Variants in CFAP54 observed in about 807,000 individuals in gnomAD.
CFAP54 encodes cilia and flagella associated protein 54.
CFAP54 carries 290 observed loss-of-function variants against 370.4 expected under a neutral mutation model. The observed-to-expected ratio is 0.78, with a 90% CI of 0.71 to 0.86. The LOEUF (loss-of-function observed/expected upper bound fraction) is 0.86. Ranked by LOEUF, CFAP54 falls within the 40% of genes least tolerant of loss-of-function variation. CFAP54 has a pLI of 0.00. For missense variants in CFAP54, 3,399 were observed against 3,528.7 expected (o/e 0.96, Z 0.93); for synonymous variants, 1,206 against 1,236.5 (o/e 0.98, Z 0.52).
chr12:96,846,358 G>A (rs1309266843), intron 66 of CFAP54, among the ~76,000 whole-genome samples: 1 of 152,172 alleles, frequency 6.6e-6, no homozygotes, highest in African/African-American at 2.4e-5. Context: ...TTATTGTAGA[G>A]TTGTTGGTTG....
intron 48 of CFAP54, among the ~76,000 whole-genome samples, chr12:96,710,318 G>T (rs988953967): frequency 9.2e-5 from 14 of 152,182 alleles, no homozygotes; most frequent in African/African-American, 3.4e-4. Flanking sequence ...GAGGCAGAGG[G>T]CAGTGCAGGG....
chr12:96,609,028 T>G (rs918631172), intron 26 of CFAP54, among the ~76,000 whole-genome samples: 3 of 152,078 alleles, frequency 2.0e-5, no homozygotes, highest in Non-Finnish European at 2.9e-5. Context: ...CAAGAAACAG[T>G]CCTAAAACAC....
Position 96,621,684 on chromosome 12 carries a change from T to C in CFAP54, c.3734T>C (p.Phe1245Ser). ...ATCACACCAGGATGCAAGTCTCTGT[T>C]TGATGGTAGTAATGAACAAGAAGAA... ...LDITPGCKSL[F>S]DGSNEQEEMP... The change falls in exon 27 of 68, where the codon TTT becomes TCT. Residue 1245 changes from phenylalanine (F) to serine (S), a missense_variant. Physicochemically the swap from Phe to Ser is radical, Grantham distance 155. Transcript: ENST00000524981. The C allele has an allele frequency of 6.5e-7, 1 of 1,528,520 alleles. No individual in the cohort carries two copies. The highest frequency in any genetic ancestry group is 8.8e-7 in the Non-Finnish European group (1 of 1,142,682). 94.7% of individuals were successfully genotyped at this position (1,528,520 alleles called of 1,614,324 possible).
chr12:96,571,242 A>G (rs1955913863), intron 19 of CFAP54, among the ~76,000 whole-genome samples: 1 of 152,196 alleles, frequency 6.6e-6, no homozygotes. Flanking sequence ...GAAGAGAGGC[A>G]GGTTTCATTT....
rs184182946 is a variant in CFAP54, at chr12:96,515,485, T to C, written c.798+2441T>C. On this transcript the variant is annotated intron_variant, in intron 5 of 67. Transcript: ENST00000524981. ...TCACCAGTAATTCCCAAACCTCCAG[T>C]TGGTAAATTGATTCCTGAGCTGAGG... 1.4e-3 allele frequency among the ~76,000 whole-genome samples: 216 copies of C among 152,308 alleles called. 2 individuals carry two copies. Among genetic ancestry groups the C allele is most frequent in the Non-Finnish European group, 2.0e-3 (136 of 68,026 alleles).
chr12:96,836,965 C>T (rs915393857), intron 66 of CFAP54, among the ~76,000 whole-genome samples: 13 of 152,102 alleles, frequency 8.5e-5, no homozygotes, highest in African/African-American at 3.1e-4. Flanking sequence ...TTAGCTAGGA[C>T]TATAGGCACA....
rs1367077043 is a variant in CFAP54, at chr12:96,538,286, A to G, written c.1792-98A>G. 8.7e-6 allele frequency: 9 copies of G among 1,039,192 alleles called. No individual in the cohort carries two copies. The East Asian group carries it at 2.1e-4, about 24-fold the overall frequency. 64.4% of individuals were successfully genotyped at this position (1,039,192 alleles called of 1,614,324 possible). Reference sequence around the variant, plus strand: ...CATTATGAAGATTCAACATGTTAGTATTTGTAAAGCTCTTAGAGTGTTTCT... The same window carrying G: ...CATTATGAAGATTCAACATGTTAGTGTTTGTAAAGCTCTTAGAGTGTTTCT... On this transcript the variant is annotated intron_variant, in intron 12 of 67. Coordinates refer to ENST00000524981, the MANE Select transcript of CFAP54 (RefSeq NM_001306084.2).
intron 49 of CFAP54, among the ~76,000 whole-genome samples, 158 bp downstream of exon 49, chr12:96,718,680 C>T (rs576106646): frequency 1.3e-5 from 2 of 152,284 alleles, no homozygotes; most frequent in South Asian, 4.1e-4. Flanking sequence ...GTTTACTCCT[C>T]ATGAGAAAAG....
intron 46 of CFAP54, among the ~76,000 whole-genome samples, chr12:96,702,543 A>C (rs1957503210): frequency 9.6e-6 from 1 of 104,568 alleles, no homozygotes; most frequent in African/African-American, 4.1e-5. Flanking sequence ...TTCAATGGTC[A>C]CTGCCTTCAC....
chr12:96,819,000 G>A (rs1205182766), intron 65 of CFAP54, among the ~76,000 whole-genome samples: 2 of 152,130 alleles, frequency 1.3e-5, no homozygotes, highest in Non-Finnish European at 2.9e-5. Flanking sequence ...TGTACTTATT[G>A]TAGCTGTTTA....
intron 47 of CFAP54, among the ~76,000 whole-genome samples, chr12:96,705,276 T>C (rs1014130237): frequency 1.3e-5 from 2 of 152,156 alleles, no homozygotes; most frequent in African/African-American, 4.8e-5. Context: ...TTGAGAGATA[T>C]TTTCTCAAAA....
rs186965133 is a variant in CFAP54 at position 96,863,279 on chromosome 12, C to T, written c.*14+2327C>T. Among the ~76,000 whole-genome samples, 227 of 152,102 alleles carry T rather than the reference C, an allele frequency of 1.5e-3. 1 individual carries two copies. The highest frequency in any genetic ancestry group is 5.1e-3 in the African/African-American group (212 of 41,486). ...ATCACCAACACTCCACCATCATTAC[C>T]GCTAACATTATTGCCTACCCTTTCT... is the stretch of plus-strand genomic sequence containing the variant. On this transcript the variant is annotated intron_variant, in intron 67 of 67. Transcript: ENST00000524981.
chr12:96,761,997 T>A (rs551081020), intron 58 of CFAP54, among the ~76,000 whole-genome samples: 21 of 152,310 alleles, frequency 1.4e-4, no homozygotes, highest in African/African-American at 4.8e-4. Context: ...TATTTTAGGA[T>A]CTGCTTGTCA....
intron 43 of CFAP54, among the ~76,000 whole-genome samples, chr12:96,690,297 A>G (rs1169915514): frequency 6.6e-6 from 1 of 152,234 alleles, no homozygotes; most frequent in East Asian, 1.9e-4. Flanking sequence ...GTATTTTAGA[A>G]TAGGATATCT....
intron 17 of CFAP54, among the ~76,000 whole-genome samples, chr12:96,557,803 A>G (rs1176007900): frequency 6.6e-6 from 1 of 151,966 alleles, no homozygotes; most frequent in Non-Finnish European, 1.5e-5. Flanking sequence ...ATTATATATA[A>G]TAAGTAACGT....
At position 96,663,901 on chromosome 12, in the gene CFAP54, C is replaced by T. The variant is rs1003885173; in HGVS notation, c.5532C>T (p.Cys1844=). 3.1e-6 allele frequency: 5 copies of T among 1,613,048 alleles called. No individual in the cohort carries two copies. Among genetic ancestry groups the T allele is most frequent in the Non-Finnish European group, 4.2e-6 (5 of 1,179,456 alleles). The change falls in exon 39 of 68, where the codon TGC becomes TGT. Residue 1844 remains cysteine, a synonymous_variant. Coordinates refer to ENST00000524981, the MANE Select transcript of CFAP54 (RefSeq NM_001306084.2). ...NSSTIEATSN[C]TDLLKMLISS... is the part of the protein sequence containing the mutation. ...CAACCATTGAAGCAACAAGCAACTG[C>T]ACAGATTTGCTAAAAATGCTTATCT...
intron 65 of CFAP54, among the ~76,000 whole-genome samples, chr12:96,828,456 T>G (rs1263814463): frequency 2.0e-5 from 3 of 152,142 alleles, no homozygotes; most frequent in African/African-American, 7.2e-5. Context: ...ACTCCGCATG[T>G]GGACCTTTCA....
At chr12:96,530,969 A>G (rs574014975) in intron 9 of CFAP54, among the ~76,000 whole-genome samples, 1 of 152,296 alleles carries the variant, frequency 6.6e-6, no homozygotes, top group Admixed American at 6.5e-5. Context: ...TCCCATCTGT[A>G]TACTCTCTTT....
rs181854417 is a variant in CFAP54, at chr12:96,799,787, A to G, written c.8850+7288A>G. On this transcript the variant is annotated intron_variant, in intron 63 of 67. Transcript: ENST00000524981. The stretch of plus-strand genomic sequence containing the variant: ...GGGAATGTAGTGCAGTAGTTTTCAA[A>G]TTATGATTAAAAATAGTAATGGGTC... Among the ~76,000 whole-genome samples the G allele has an allele frequency of 6.4e-4, 97 of 152,284 alleles. 2 individuals are homozygous for G. In the East Asian group the frequency reaches 0.014, roughly 22 times the overall value.
Sources: gnomAD v4.1 joint callset for allele counts (sites outside exome capture counted in the v4.1 genomes callset) on GRCh38, gnomAD v4.1.1 for gene constraint, MANE v1.5 for transcripts, NCBI Gene and HGNC (gene_info 2026-07-23, HGNC 2026-07-21) for gene names.